Variants in DPYD observed in about 807,000 individuals in gnomAD.
DPYD encodes dihydropyrimidine dehydrogenase.
DPYD carries 109 observed loss-of-function variants against 116.2 expected under a neutral mutation model. That is an observed-to-expected ratio of 0.94 (90% confidence interval 0.80 to 1.10). The LOEUF (loss-of-function observed/expected upper bound fraction) is 1.10. DPYD is among the 50% of genes least tolerant of loss of function. The probability of loss-of-function intolerance (pLI) is 0.00; values close to 1 mark genes in which losing one functional copy is unlikely to be tolerated. For missense variants in DPYD, 1,302 were observed against 1,254.5 expected (o/e 1.04, Z -0.57); for synonymous variants, 440 against 432.0 (o/e 1.02, Z -0.23).
chr1:97,246,924 A>G (rs966465632), intron 18 of DPYD, among the ~76,000 whole-genome samples: 2 of 152,122 alleles, frequency 1.3e-5, no homozygotes, highest in Non-Finnish European at 2.9e-5. Flanking sequence ...GCCAATAAAA[A>G]TATTTCTCAG....
At chr1:97,360,513 A>G (rs1386767243) in intron 16 of DPYD, among the ~76,000 whole-genome samples, 5 of 152,184 alleles carry the variant, frequency 3.3e-5, no homozygotes, top group Admixed American at 3.3e-4. Flanking sequence ...TCTTCTCAGC[A>G]CCACATCACA....
At chr1:97,838,403 A>T (rs563800594) in intron 2 of DPYD, among the ~76,000 whole-genome samples, 2 of 152,344 alleles carry the variant, frequency 1.3e-5, no homozygotes, top group South Asian at 4.1e-4. Flanking sequence ...TTCCTAGAAC[A>T]TTAGGTTCAC....
chr1:97,158,594 G>A (rs980469896), intron 20 of DPYD, among the ~76,000 whole-genome samples: 1 of 151,382 alleles, frequency 6.6e-6, no homozygotes, highest in Non-Finnish European at 1.5e-5. Flanking sequence ...CCTGGAAGAA[G>A]GGAATGACAC....
At chr1:97,656,972 T>TA (rs1264474905) in intron 8 of DPYD, among the ~76,000 whole-genome samples, 2 of 150,504 alleles carry the variant, frequency 1.3e-5, no homozygotes, top group East Asian at 3.9e-4. Context: ...TTGTATTTTT[T>TA]TTTTTTTTTT....
At chr1:97,118,667 T>C (rs1652175238) in intron 20 of DPYD, among the ~76,000 whole-genome samples, 2 of 151,924 alleles carry the variant, frequency 1.3e-5, no homozygotes, top group South Asian at 4.1e-4. Context: ...GTTTTAAATA[T>C]TTTTTCTGCC....
At chr1:97,708,706 G>C (rs1009997186) in intron 5 of DPYD, among the ~76,000 whole-genome samples, 4 of 151,924 alleles carry the variant, frequency 2.6e-5, no homozygotes, top group Non-Finnish European at 5.9e-5. Context: ...GGATTGTACT[G>C]AATCTATAGA....
At chr1:97,602,065 A>AT (rs968615013) in intron 8 of DPYD, among the ~76,000 whole-genome samples, 1 of 151,876 alleles carries the variant, frequency 6.6e-6, no homozygotes, top group Admixed American at 6.6e-5. Context: ...TTTAAATAGT[A>AT]TTTTTTTCCA....
intron 19 of DPYD, among the ~76,000 whole-genome samples, chr1:97,227,331 CAAAAAAA>C (rs60992225): frequency 1.5e-4 from 4 of 26,378 alleles, no homozygotes; most frequent in Non-Finnish European, 2.4e-4. Context: ...GACTCTATCT[CAAAAAAA>C]AAAAAAAAAA....
chr1:97,901,442 T>C (rs971402319), intron 1 of DPYD, among the ~76,000 whole-genome samples: 4 of 151,850 alleles, frequency 2.6e-5, no homozygotes, highest in African/African-American at 9.7e-5. Context: ...CTGGTACACA[T>C]TGCTTATATA....
chr1:97,539,950 C>G (rs570578873), intron 12 of DPYD, among the ~76,000 whole-genome samples: 1 of 152,048 alleles, frequency 6.6e-6, no homozygotes, highest in South Asian at 2.1e-4. Flanking sequence ...AAAGTAAGTG[C>G]TCCGCCTTCT....
At chr1:97,371,467 T>A (rs372031043) in intron 16 of DPYD, among the ~76,000 whole-genome samples, 29 of 152,296 alleles carry the variant, frequency 1.9e-4, no homozygotes, top group African/African-American at 7.0e-4. Flanking sequence ...AATTGGCAAG[T>A]GTTCAAGACT....
chr1:97,403,833 T>C (rs1425585799), intron 14 of DPYD, among the ~76,000 whole-genome samples: 1 of 152,040 alleles, frequency 6.6e-6, no homozygotes, highest in Non-Finnish European at 1.5e-5. Flanking sequence ...GTTCTGCTTA[T>C]TTTAGACTAA....
At chr1:97,724,293 TGG>T (rs71883710) in intron 4 of DPYD, among the ~76,000 whole-genome samples, 3 of 21,778 alleles carry the variant, frequency 1.4e-4, no homozygotes, top group African/African-American at 3.9e-4. Flanking sequence ...AGGATGTATG[TGG>T]GGGGGGGGGG....
chr1:97,329,958 C>T (rs1668906098), intron 16 of DPYD, among the ~76,000 whole-genome samples: 1 of 151,482 alleles, frequency 6.6e-6, no homozygotes, highest in East Asian at 1.9e-4. Flanking sequence ...TTTCTGGTCA[C>T]TTCTAGAACA....
chr1:97,743,341 G>C (rs1289778802), intron 3 of DPYD, among the ~76,000 whole-genome samples: 2 of 152,042 alleles, frequency 1.3e-5, no homozygotes, highest in African/African-American at 4.8e-5. Flanking sequence ...GCAGACTAAA[G>C]TGCATCAGGC....
At chr1:97,608,503 T>C (rs1347305430) in intron 8 of DPYD, among the ~76,000 whole-genome samples, 1 of 151,722 alleles carries the variant, frequency 6.6e-6, no homozygotes. Context: ...TAGAAATATA[T>C]GGGTAACGTA....
At chr1:97,353,188 A>G (rs1670239579) in intron 16 of DPYD, among the ~76,000 whole-genome samples, 1 of 152,202 alleles carries the variant, frequency 6.6e-6, no homozygotes, top group Non-Finnish European at 1.5e-5. Context: ...GCATTGTGTC[A>G]CAGTCTCACA....
chr1:97,600,238 CG>C (rs1655166143), intron 8 of DPYD, among the ~76,000 whole-genome samples: 1 of 152,064 alleles, frequency 6.6e-6, no homozygotes, highest in South Asian at 2.1e-4. Context: ...TGGCAAATAC[CG>C]TAAGTTTTTC....
At chr1:97,105,703 T>C (rs1214538818) in intron 20 of DPYD, among the ~76,000 whole-genome samples, 1 of 152,126 alleles carries the variant, frequency 6.6e-6, no homozygotes, top group African/African-American at 2.4e-5. Context: ...GTGGCTTACA[T>C]ACGTCATTGT....
Sources: gnomAD v4.1 joint callset for allele counts (sites outside exome capture counted in the v4.1 genomes callset) on GRCh38, gnomAD v4.1.1 for gene constraint, MANE v1.5 for transcripts, NCBI Gene and HGNC (gene_info 2026-07-23, HGNC 2026-07-21) for gene names.